MPPED2: variants seen among roughly 807,000 people sequenced by gnomAD.
MPPED2 encodes the protein metallophosphoesterase MPPED2.
In MPPED2, 5 loss-of-function variants were observed where a neutral mutation model predicts 33.0. That is an observed-to-expected ratio of 0.15 (90% CI 0.08 to 0.32). The LOEUF (loss-of-function observed/expected upper bound fraction) is 0.32, where lower values mean the gene tolerates loss of function less well. MPPED2 is among the 10% of genes least tolerant of loss of function. The probability of loss-of-function intolerance (pLI) is 1.00; values close to 1 mark genes in which losing one functional copy is unlikely to be tolerated. For synonymous variants in MPPED2, 136 were observed against 141.9 expected, an observed-to-expected ratio of 0.96 and a Z score of 0.29; for missense variants, 275 against 372.1, an observed-to-expected ratio of 0.74 and a Z score of 2.15.
chr11:30,569,138 A>G (rs1956580543), intron 2 of MPPED2, among the ~76,000 whole-genome samples: 1 of 152,162 alleles, frequency 6.6e-6, no homozygotes, highest in South Asian at 2.1e-4. Context: ...GACAGCCATT[A>G]ACATCGTGGT....
intron 4 of MPPED2, among the ~76,000 whole-genome samples, chr11:30,437,303 T>C (rs140772636): frequency 1.3e-5 from 2 of 152,318 alleles, no homozygotes; most frequent in East Asian, 1.9e-4. Context: ...ATGATTCTAT[T>C]AAACAGCTTA....
At position 30,390,928 on chromosome 11, in the gene MPPED2, C is replaced by T. The variant is rs116026148; in HGVS notation, c.767-1972G>A. ...GTGGTCTCAGGGCAGCATTCAAAGACGATGGAAGTGAACTGATCAAAGCAA... is the reference window on the plus strand; with the variant it reads ...GTGGTCTCAGGGCAGCATTCAAAGATGATGGAAGTGAACTGATCAAAGCAA... On this transcript the variant is annotated intron_variant, in intron 6 of 6. Coordinates refer to the MPPED2 transcript ENST00000448418. Among the ~76,000 whole-genome samples the T allele has an allele frequency of 4.3e-3, 654 of 152,144 alleles. 7 individuals are homozygous for T. The highest frequency in any genetic ancestry group is 0.015 in the African/African-American group (615 of 41,486).
intron 2 of MPPED2, among the ~76,000 whole-genome samples, chr11:30,573,793 AC>A (rs1481796458): frequency 6.6e-6 from 1 of 152,226 alleles, no homozygotes; most frequent in Admixed American, 6.5e-5. Flanking sequence ...AATGTATCCA[AC>A]ATGTAGTTTA....
downstream of MPPED2, among the ~76,000 whole-genome samples, chr11:30,409,401 G>T (rs530530650): frequency 1.3e-5 from 2 of 152,154 alleles, no homozygotes; most frequent in Non-Finnish European, 2.9e-5. Flanking sequence ...GAAGCCCATG[G>T]GAAGCTCAAG....
intron 2 of MPPED2, among the ~76,000 whole-genome samples, chr11:30,577,240 T>G (rs1341298129): frequency 6.6e-6 from 1 of 152,110 alleles, no homozygotes; most frequent in Non-Finnish European, 1.5e-5. Flanking sequence ...CTGAGACTAA[T>G]TGAATTAAAT....
chr11:30,506,816 G>A (rs1952847906), intron 3 of MPPED2, among the ~76,000 whole-genome samples: 1 of 152,168 alleles, frequency 6.6e-6, no homozygotes, highest in South Asian at 2.1e-4. Context: ...ATTTTTGCAT[G>A]CTGAAATAAC....
At chr11:30,498,306 C>T (rs10835675) in intron 3 of MPPED2, among the ~76,000 whole-genome samples, 42,825 of 151,842 alleles carry the variant, frequency 0.28, 7,025 homozygotes, top group Middle Eastern at 0.44. Context: ...CTCTACCAGC[C>T]GGGCACGGTG....
intron 4 of MPPED2, among the ~76,000 whole-genome samples, chr11:30,434,749 C>G (rs566829173): frequency 2.6e-5 from 4 of 152,142 alleles, no homozygotes. Context: ...GATACCTTTC[C>G]GTTTTGTTGC....
chr11:30,417,488 A>C (rs1410725719), intron 5 of MPPED2, 30 bp downstream of exon 5: 1 of 1,314,658 alleles, frequency 7.6e-7, no homozygotes, highest in Non-Finnish European at 1.1e-6. Flanking sequence ...AGGCATCTGG[A>C]TGACAAAGGA....
At chr11:30,543,641 A>G (rs1955251164) in intron 2 of MPPED2, among the ~76,000 whole-genome samples, 1 of 152,210 alleles carries the variant, frequency 6.6e-6, no homozygotes, top group Non-Finnish European at 1.5e-5. Context: ...TTAAATAAAG[A>G]GAAGTGAAAT....
chr11:30,469,888 G>A (rs193132494), intron 4 of MPPED2, among the ~76,000 whole-genome samples: 1 of 152,250 alleles, frequency 6.6e-6, no homozygotes, highest in Non-Finnish European at 1.5e-5. Flanking sequence ...AATTCTTCAA[G>A]GAAAGCACTT....
At chr11:30,476,498 C>G (rs1431253545) in intron 4 of MPPED2, among the ~76,000 whole-genome samples, 1 of 151,926 alleles carries the variant, frequency 6.6e-6, no homozygotes, top group Non-Finnish European at 1.5e-5. Flanking sequence ...TACCATTTAT[C>G]GAAGACTACT....
chr11:30,544,209 T>C (rs555613672), intron 2 of MPPED2, among the ~76,000 whole-genome samples: 54 of 152,348 alleles, frequency 3.5e-4, no homozygotes, highest in Middle Eastern at 3.4e-3. Flanking sequence ...ACCTCTCAGA[T>C]GACATATCGC....
At chr11:30,435,926 G>C (rs1949304188) in intron 4 of MPPED2, among the ~76,000 whole-genome samples, 1 of 152,160 alleles carries the variant, frequency 6.6e-6, no homozygotes, top group Non-Finnish European at 1.5e-5. Flanking sequence ...TAGCATAGGA[G>C]AGATGCTAAG....
intron 1 of MPPED2, among the ~76,000 whole-genome samples, chr11:30,585,809 T>A (rs866885387): frequency 6.6e-6 from 1 of 151,988 alleles, no homozygotes; most frequent in Admixed American, 6.5e-5. Context: ...AAATCAGCCC[T>A]CCCCGAGCGC....
At chr11:30,549,614 A>T (rs1955602602) in intron 2 of MPPED2, among the ~76,000 whole-genome samples, 1 of 152,136 alleles carries the variant, frequency 6.6e-6, no homozygotes, top group South Asian at 2.1e-4. Flanking sequence ...GAAAAGATTT[A>T]ACTTTCAATT....
At chr11:30,493,381 A>G (rs1565122238) in intron 4 of MPPED2, among the ~76,000 whole-genome samples, 1 of 151,944 alleles carries the variant, frequency 6.6e-6, no homozygotes, top group Non-Finnish European at 1.5e-5. Flanking sequence ...AAAAAAAAAA[A>G]AAAAAAGAAA....
chr11:30,457,520 C>A (rs577371640), intron 4 of MPPED2, among the ~76,000 whole-genome samples: 61 of 152,096 alleles, frequency 4.0e-4, no homozygotes, highest in South Asian at 2.5e-3. Context: ...CTAATAATAC[C>A]AACAAGTAAA....
At chr11:30,559,468 T>C (rs1346965243) in intron 2 of MPPED2, among the ~76,000 whole-genome samples, 3 of 152,234 alleles carry the variant, frequency 2.0e-5, no homozygotes, top group Non-Finnish European at 4.4e-5. Flanking sequence ...ATTTATTGCA[T>C]GAACATGCTT....
Sources: allele counts gnomAD v4.1 joint callset (sites outside exome capture counted in the v4.1 genomes callset), GRCh38; gene constraint gnomAD v4.1.1; transcripts MANE v1.5; gene names NCBI Gene and HGNC (gene_info 2026-07-23, HGNC 2026-07-21).